The following DENND1A variants were observed in gnomAD, a reference collection of about 807,000 sequenced individuals.
The protein encoded by DENND1A is DENN domain-containing protein 1A.
Under a neutral mutation model 113.7 loss-of-function variants are expected in DENND1A, and 51 were observed. The ratio of observed to expected loss-of-function variants is 0.45; its 90% CI spans 0.36 to 0.57. The LOEUF is 0.57. Ranked by LOEUF, DENND1A falls within the 20% of genes least tolerant of loss-of-function variation. The probability of loss-of-function intolerance (pLI) is 0.00; values close to 1 mark genes in which losing one functional copy is unlikely to be tolerated. For synonymous variants in DENND1A, 565 were observed against 570.8 expected (o/e 0.99, Z 0.14); for missense variants, 1,258 against 1,395.9 (o/e 0.90, Z 1.57).
chr9:123,818,395 C>T (rs1458498711), intron 2 of DENND1A, among the ~76,000 whole-genome samples: 1 of 152,070 alleles, frequency 6.6e-6, no homozygotes, highest in Non-Finnish European at 1.5e-5. Flanking sequence ...TGAGCCACCG[C>T]ACCTGGCCTA....
chr9:123,513,765 A>T (rs73665309), intron 13 of DENND1A, among the ~76,000 whole-genome samples: 1 of 152,170 alleles, frequency 6.6e-6, no homozygotes, highest in Admixed American at 6.5e-5. Context: ...TGGTCAATCC[A>T]GATGGATTTA....
chr9:123,835,459 T>A (rs1329143040), intron 2 of DENND1A, among the ~76,000 whole-genome samples: 2 of 151,982 alleles, frequency 1.3e-5, no homozygotes, highest in Non-Finnish European at 2.9e-5. Flanking sequence ...CCTCTAGTAA[T>A]GAAGGTAGTT....
At position 123,889,926 on chromosome 9, in the gene DENND1A, C is replaced by T. The variant is rs555093501; in HGVS notation, c.18-10905G>A. On this transcript the variant is annotated intron_variant, in intron 1 of 23. Coordinates refer to ENST00000394215, the MANE Select transcript of DENND1A (RefSeq NM_001352964.2). Reference sequence around the variant, plus strand: ...AGGCAGAGGCTGCAGTCAGCCAAGACGGCACCATTGCACTCCAGCCTGGGC... The same window carrying T: ...AGGCAGAGGCTGCAGTCAGCCAAGATGGCACCATTGCACTCCAGCCTGGGC... 2.5e-4 allele frequency among the ~76,000 whole-genome samples: 38 copies of T among 151,822 alleles called. No individual in the cohort carries two copies. The South Asian group carries it at 6.9e-3, about 27-fold the overall frequency.
intron 13 of DENND1A, among the ~76,000 whole-genome samples, chr9:123,473,110 C>T (rs1284146225): frequency 2.6e-5 from 4 of 152,202 alleles, no homozygotes; most frequent in Non-Finnish European, 4.4e-5. Context: ...GTGTCTGACT[C>T]GCCTCTGCAC....
chr9:123,590,928 C>T (rs1409321766), intron 11 of DENND1A, among the ~76,000 whole-genome samples: 1 of 152,122 alleles, frequency 6.6e-6, no homozygotes, highest in Non-Finnish European at 1.5e-5. Flanking sequence ...AGGTGACTCT[C>T]CCCAGGGCCA....
chr9:123,657,654 C>T (rs1308194576), intron 8 of DENND1A, among the ~76,000 whole-genome samples: 1 of 152,296 alleles, frequency 6.6e-6, no homozygotes, highest in East Asian at 1.9e-4. Context: ...TGTCTGAAGG[C>T]AGCTTCCAAG....
chr9:123,548,059 T>C (rs1421826407), intron 13 of DENND1A, among the ~76,000 whole-genome samples: 1 of 152,164 alleles, frequency 6.6e-6, no homozygotes, highest in Non-Finnish European at 1.5e-5. Context: ...CATCTTCTAG[T>C]AGATGACAGA....
intron 13 of DENND1A, among the ~76,000 whole-genome samples, chr9:123,528,778 CA>C (rs1436230566): frequency 3.3e-5 from 5 of 152,320 alleles, no homozygotes; most frequent in Non-Finnish European, 7.4e-5. Flanking sequence ...GGCATTCAAA[CA>C]ATTCCAAACT....
chr9:123,457,651 T>C, intron 14 of DENND1A, 142 bp downstream of exon 14: 1 of 831,054 alleles, frequency 1.2e-6, no homozygotes, highest in Non-Finnish European at 1.9e-6. Context: ...ACTGCTCTCT[T>C]CATCCAATCC....
chr9:123,898,994 T>C lies in DENND1A; in HGVS notation c.18-19973A>G, dbSNP rs1564467393. ...ACCCTTTCTGAATTTCCACTTCCAC[T>C]GACTTCCCAACAGCATTCTACAAGG... On this transcript the variant is annotated intron_variant, in intron 1 of 23. Coordinates refer to ENST00000394215, the MANE Select transcript of DENND1A (RefSeq NM_001352964.2). 2.0e-5 allele frequency among the ~76,000 whole-genome samples: 3 copies of C among 152,352 alleles called. No homozygotes were observed. The East Asian group carries it at 5.8e-4, about 29-fold the overall frequency.
chr9:123,645,050 T>C (rs2062239118), intron 9 of DENND1A, among the ~76,000 whole-genome samples: 2 of 152,210 alleles, frequency 1.3e-5, no homozygotes, highest in Non-Finnish European at 2.9e-5. Flanking sequence ...GCCTTCCCTA[T>C]TTATCATTTA....
At chr9:123,865,492 C>T (rs1845684190) in intron 2 of DENND1A, among the ~76,000 whole-genome samples, 1 of 152,222 alleles carries the variant, frequency 6.6e-6, no homozygotes, top group African/African-American at 2.4e-5. Flanking sequence ...GGCCCCTCCA[C>T]CATGTGTGCA....
At chr9:123,599,607 C>T (rs2059857481) in intron 11 of DENND1A, among the ~76,000 whole-genome samples, 1 of 152,158 alleles carries the variant, frequency 6.6e-6, no homozygotes, top group Non-Finnish European at 1.5e-5. Context: ...CCCACAGAAG[C>T]TCAGCGACTT....
In DENND1A at chr9:123,586,753, A is replaced by T. The variant is rs1045662230; in HGVS notation, c.766-3483T>A. Among the ~76,000 whole-genome samples, 3 of 152,116 alleles carry T rather than the reference A, an allele frequency of 2.0e-5. No homozygotes were observed. The East Asian group carries it at 5.8e-4, about 29-fold the overall frequency. ...AATGAAGAAAGGCAAGAAAAACTCA[A>T]ACTGGGGGTGGGGACAGGAAGCGCG... On this transcript the variant is annotated intron_variant, in intron 11 of 23. Transcript: ENST00000394215.
intron 12 of DENND1A, among the ~76,000 whole-genome samples, chr9:123,561,562 C>T (rs1051135562): frequency 1.3e-5 from 2 of 152,140 alleles, no homozygotes; most frequent in African/African-American, 4.8e-5. Context: ...CAGGTTTAAA[C>T]AACACAGAGT....
At chr9:123,607,238 T>C (rs1426964914) in intron 11 of DENND1A, among the ~76,000 whole-genome samples, 1 of 151,822 alleles carries the variant, frequency 6.6e-6, no homozygotes, top group Admixed American at 6.5e-5. Context: ...ATGTTGTTTA[T>C]CAAATGAATA....
chr9:123,639,473 A>AG (rs895613159), intron 9 of DENND1A, among the ~76,000 whole-genome samples: 2 of 148,410 alleles, frequency 1.3e-5, no homozygotes, highest in Non-Finnish European at 1.5e-5. Context: ...AAAAAAAAAA[A>AG]CCTCAGAAGA....
chr9:123,696,630 CAG>C (rs140730208), intron 5 of DENND1A, among the ~76,000 whole-genome samples: 2,583 of 152,230 alleles, frequency 0.017, 69 homozygotes, highest in African/African-American at 0.058. Context: ...AAGGAGGAGA[CAG>C]AGTTTATTCT....
intron 9 of DENND1A, among the ~76,000 whole-genome samples, chr9:123,636,325 T>C (rs1478730037): frequency 3.3e-5 from 5 of 152,046 alleles, no homozygotes; most frequent in Non-Finnish European, 7.4e-5. Context: ...ATTCCTCTTT[T>C]TTTTTTTTTG....
Sources: allele counts gnomAD v4.1 joint callset (sites outside exome capture counted in the v4.1 genomes callset), GRCh38; gene constraint gnomAD v4.1.1; transcripts MANE v1.5; gene names NCBI Gene and HGNC (gene_info 2026-07-23, HGNC 2026-07-21).